The following PRKD3 variants were observed in gnomAD, a reference collection of about 807,000 sequenced individuals.
PRKD3 encodes the protein protein kinase D3.
In PRKD3, 47 loss-of-function variants were observed where a neutral mutation model predicts 99.2. That is an observed-to-expected ratio of 0.47 (90% CI 0.38 to 0.60). The LOEUF (loss-of-function observed/expected upper bound fraction) is 0.60. PRKD3 is among the 20% of genes least tolerant of loss of function. The pLI is 0.00. For missense variants in PRKD3, 1,019 were observed against 1,088.4 expected (o/e 0.94, Z 0.90); for synonymous variants, 392 against 355.4 (o/e 1.10, Z -1.16).
chr2:37,259,331 A>G (rs1182021176), intron 16 of PRKD3, among the ~76,000 whole-genome samples: 1 of 152,218 alleles, frequency 6.6e-6, no homozygotes. Context: ...CTTCGTTCCC[A>G]GCCCCTGGGG....
chr2:37,292,874 T>G, intron 3 of PRKD3: 1 of 262,070 alleles, frequency 3.8e-6, no homozygotes, highest in Non-Finnish European at 7.3e-6. Flanking sequence ...CTCAAACTCC[T>G]GAGATAAGCA....
intron 13 of PRKD3, 139 bp downstream of exon 13, chr2:37,269,476 T>C: frequency 2.9e-6 from 2 of 688,276 alleles, no homozygotes; most frequent in Non-Finnish European, 5.1e-6. Flanking sequence ...GAGAAGGATT[T>C]AGCTGAAAGA....
At chr2:37,277,364 CCA>C (rs1669628767) in intron 9 of PRKD3, among the ~76,000 whole-genome samples, 1 of 152,118 alleles carries the variant, frequency 6.6e-6, no homozygotes, top group African/African-American at 2.4e-5. Context: ...CAGTCTAGCT[CCA>C]AAGTCTGTGT....
rs372915976 is a variant in PRKD3, at chr2:37,282,584, T to C, written c.946A>G (p.Lys316Glu). ...TCTCCAAGGCAGTCTCTTGGTACTT[T>C]TGATGCACAGCGTTTATGGCAGTTG... Reference protein sequence around the residue: ...KFNCHKRCASKVPRDCLGEVT... With the variant: ...KFNCHKRCASEVPRDCLGEVT... Residue 316 changes from lysine to glutamate, a missense_variant, in exon 7 of 19, where the codon AAA (lysine) becomes GAA (glutamate). Transcript: ENST00000234179. The C allele has an allele frequency of 5.6e-6, 9 of 1,603,618 alleles. No homozygotes were observed. Among genetic ancestry groups the C allele is most frequent in the Non-Finnish European group, 7.7e-6 (9 of 1,170,650 alleles).
intron 4 of PRKD3, 141 bp downstream of exon 4, chr2:37,290,727 A>C: frequency 2.3e-6 from 2 of 873,396 alleles, no homozygotes; most frequent in East Asian, 2.7e-5. Context: ...GCAGAGATAA[A>C]ATGAGAGTCC....
chr2:37,253,475 A>AT (rs1667680718), intron 18 of PRKD3, 125 bp from the exon 19 acceptor site: 1 of 723,348 alleles, frequency 1.4e-6, no homozygotes, highest in Non-Finnish European at 2.2e-6. Flanking sequence ...GGCGCTACTC[A>AT]TAAGTATCTA....
chr2:37,301,067 T>C (rs1220869055), intron 2 of PRKD3, among the ~76,000 whole-genome samples: 1 of 152,216 alleles, frequency 6.6e-6, no homozygotes, highest in Non-Finnish European at 1.5e-5. Context: ...CTTAAGTGAA[T>C]CTGTATTTTC....
intron 2 of PRKD3, among the ~76,000 whole-genome samples, chr2:37,314,572 C>T (rs1671577130): frequency 6.6e-6 from 1 of 152,070 alleles, no homozygotes; most frequent in Non-Finnish European, 1.5e-5. Context: ...ACCACATATA[C>T]ATATTTCAAA....
At position 37,316,751 on chromosome 2, in the gene PRKD3, C is replaced by A; in HGVS notation, c.-227G>T. 4 of 1,370,618 alleles carry A rather than the reference C, an allele frequency of 2.9e-6. No individual in the cohort carries two copies. The highest frequency in any genetic ancestry group is 3.8e-6 in the Non-Finnish European group (4 of 1,065,856). 84.9% of individuals were successfully genotyped at this position (1,370,618 alleles called of 1,614,324 possible). On this transcript the variant is annotated 5_prime_UTR_variant, in exon 2 of 19. Coordinates refer to ENST00000234179, the MANE Select transcript of PRKD3 (RefSeq NM_005813.6). ...AATATCAGTCCCATCAAAAAGCAGT[C>A]TTGTCTGTAGGAAGACAACCAGGGA... is the stretch of plus-strand genomic sequence containing the variant.
At chr2:37,297,882 T>C (rs1229987625) in intron 2 of PRKD3, among the ~76,000 whole-genome samples, 1 of 152,202 alleles carries the variant, frequency 6.6e-6, no homozygotes, top group East Asian at 1.9e-4. Context: ...ACTGCAAAAC[T>C]ACTCTCCCCC....
chr2:37,322,338 A>G (rs1671920891), intron 1 of PRKD3, among the ~76,000 whole-genome samples: 1 of 152,254 alleles, frequency 6.6e-6, no homozygotes, highest in Non-Finnish European at 1.5e-5. Flanking sequence ...TATTTTCAAA[A>G]ATACCTATTA....
At chr2:37,311,863 C>A (rs186517298) in intron 2 of PRKD3, among the ~76,000 whole-genome samples, 1 of 152,142 alleles carries the variant, frequency 6.6e-6, no homozygotes, top group Admixed American at 6.5e-5. Context: ...TCCCAAAGGA[C>A]CTGATTTAAT....
rs143574461 is a variant in PRKD3 at position 37,274,619 on chromosome 2, A to T, written c.1453T>A (p.Cys485Ser). ...ATAGTATCAGTAATGATTTCAAAAC[A>T]GTGTGGATTGCTGCCTTGTGAAATG... The part of the protein sequence containing the change: ...TNISQGSNPH[C>S]FEIITDTMVY... Residue 485 changes from cysteine to serine, a missense_variant, in exon 11 of 19, where the codon TGT (cysteine) becomes AGT (serine). Around this residue, in one of 3 missense-constraint regions of PRKD3, gnomAD observed 710 missense variants for 692.7 expected, o/e 1.02. Transcript: ENST00000234179. 92 of 1,613,978 alleles carry T rather than the reference A, an allele frequency of 5.7e-5. No homozygotes were observed. In the African/African-American group the frequency reaches 6.0e-4, roughly 11 times the overall value.
At chr2:37,283,722 C>G (rs768234909) in intron 6 of PRKD3, among the ~76,000 whole-genome samples, 1 of 151,992 alleles carries the variant, frequency 6.6e-6, no homozygotes, top group Non-Finnish European at 1.5e-5. Flanking sequence ...TGCAGCGGCT[C>G]ACACCTGTAA....
intron 5 of PRKD3, among the ~76,000 whole-genome samples, chr2:37,288,639 T>C (rs568364166): frequency 3.9e-5 from 6 of 152,144 alleles, no homozygotes; most frequent in Admixed American, 2.6e-4. Context: ...GTACACTGTA[T>C]TAGGAAAAAA....
Position 37,252,883 on chromosome 2 carries a change from A to G in PRKD3, c.*294T>C, listed in dbSNP as rs1667622093. ...TATATAAAGAGAAATGGGAAGACAA[A>G]TTAAGTGAGCCTATTGTATTAAAGT... On this transcript the variant is annotated 3_prime_UTR_variant, in exon 19 of 19. Transcript: ENST00000234179. The G allele has an allele frequency of 1.3e-5, 2 of 159,680 alleles. No individual in the cohort carries two copies. Among genetic ancestry groups the G allele is most frequent in the Admixed American group, 6.6e-5 (1 of 15,060 alleles). 9.9% of individuals were successfully genotyped at this position (159,680 alleles called of 1,614,324 possible).
intron 14 of PRKD3, among the ~76,000 whole-genome samples, chr2:37,266,769 C>T (rs1457359700): frequency 2.0e-5 from 3 of 151,976 alleles, no homozygotes; most frequent in South Asian, 4.2e-4. Flanking sequence ...ATTATAGGTG[C>T]GCACCACCTC....
chr2:37,284,281 A>G (rs989575815), intron 6 of PRKD3, among the ~76,000 whole-genome samples: 8 of 152,214 alleles, frequency 5.3e-5, no homozygotes, highest in Non-Finnish European at 1.2e-4. Flanking sequence ...TAATAAATGA[A>G]ATAGCTTAGC....
chr2:37,265,084 A>G (rs1668746670), intron 14 of PRKD3, among the ~76,000 whole-genome samples: 1 of 152,198 alleles, frequency 6.6e-6, no homozygotes, highest in Non-Finnish European at 1.5e-5. Context: ...GCCTCTAGGG[A>G]TGCAGGTAAA....
Sources: gnomAD v4.1 joint callset for allele counts (sites outside exome capture counted in the v4.1 genomes callset) on GRCh38, gnomAD v4.1.1 for gene constraint, gnomAD v4.1.1 regional missense constraint, MANE v1.5 for transcripts, NCBI Gene and HGNC (gene_info 2026-07-23, HGNC 2026-07-21) for gene names.